The following ZMYM2 variants were observed in gnomAD, a reference collection of about 807,000 sequenced individuals.
The protein encoded by ZMYM2 is zinc finger MYM-type protein 2.
A neutral mutation model predicts 162.8 loss-of-function variants in ZMYM2; 56 were observed. That is an observed-to-expected ratio of 0.34 (90% CI 0.28 to 0.43). ZMYM2 has a LOEUF of 0.43. Among genes scored for constraint, ZMYM2 ranks in the 20% least tolerant of loss-of-function variants. The pLI, the probability that ZMYM2 is intolerant of heterozygous loss-of-function variation, is 1.00. For missense variants in ZMYM2, 1,275 were observed against 1,621.8 expected (o/e 0.79, Z 3.67); for synonymous variants, 510 against 541.6 (o/e 0.94, Z 0.81).
the ZMYM2 span, among the ~76,000 whole-genome samples, chr13:19,946,796 C>T: frequency 3.3e-5 from 5 of 152,136 alleles, no homozygotes; most frequent in African/African-American, 1.2e-4. Flanking sequence ...ATTTTTGTTA[C>T]CACCACAAAG....
rs1315312517 is a variant in ZMYM2, at chr13:20,087,631, G to A, written c.*1617G>A. The stretch of plus-strand genomic sequence containing the variant: ...GGAAAATTTCACAGGTGTCATTATT[G>A]TATATCTAAGCAATAATTATCTGAA... On this transcript the variant is annotated 3_prime_UTR_variant, in exon 25 of 25. Coordinates refer to ENST00000610343, the MANE Select transcript of ZMYM2 (RefSeq NM_197968.4). The A allele has an allele frequency of 5.4e-6, 1 of 184,134 alleles. No individual in the cohort carries two copies. Among genetic ancestry groups the A allele is most frequent in the African/African-American group, 2.4e-5 (1 of 42,538 alleles). 11.4% of individuals were successfully genotyped at this position (184,134 alleles called of 1,614,324 possible).
the ZMYM2 span, among the ~76,000 whole-genome samples, chr13:19,897,986 A>G: frequency 6.6e-6 from 1 of 152,134 alleles, no homozygotes; most frequent in Non-Finnish European, 1.5e-5. Context: ...ACACTATGGA[A>G]CAATCAGACC....
chr13:20,049,774 G>A (rs1158057631), intron 12 of ZMYM2, among the ~76,000 whole-genome samples: 1 of 151,928 alleles, frequency 6.6e-6, no homozygotes, highest in African/African-American at 2.4e-5. Context: ...AGATACAATG[G>A]GTTTGGCTTT....
At chr13:19,987,447 T>G (rs1949250816) in intron 2 of ZMYM2, among the ~76,000 whole-genome samples, 1 of 151,848 alleles carries the variant, frequency 6.6e-6, no homozygotes, top group African/African-American at 2.4e-5. Flanking sequence ...GTATTTTTGG[T>G]AGAGATGGGG....
intron 6 of ZMYM2, among the ~76,000 whole-genome samples, chr13:20,013,644 GGT>G (rs1951377694): frequency 2.6e-5 from 4 of 152,078 alleles, no homozygotes; most frequent in Admixed American, 2.6e-4. Flanking sequence ...ATCATAAAAA[GGT>G]GTTGAATTTT....
At chr13:20,035,442 A>G (rs1953602119) in intron 11 of ZMYM2, among the ~76,000 whole-genome samples, 1 of 152,210 alleles carries the variant, frequency 6.6e-6, no homozygotes. Flanking sequence ...GTAAAGCTAT[A>G]ATGAAAAATG....
intron 11 of ZMYM2, 128 bp from the exon 12 acceptor site, chr13:20,036,609 T>C (rs1295474035): frequency 1.6e-5 from 10 of 625,052 alleles, no homozygotes; most frequent in Non-Finnish European, 2.2e-5. Flanking sequence ...TAGGTTGATA[T>C]TGATTACAGT....
the ZMYM2 span, among the ~76,000 whole-genome samples, chr13:19,884,718 G>A: frequency 3.9e-5 from 6 of 151,976 alleles, no homozygotes; most frequent in Non-Finnish European, 2.9e-5. Context: ...TCCTGGTCCA[G>A]AAAAAAAGAC....
At chr13:20,004,896 A>T (rs1437804880) in intron 4 of ZMYM2, among the ~76,000 whole-genome samples, 178 bp from the exon 5 acceptor site, 1 of 152,228 alleles carries the variant, frequency 6.6e-6, no homozygotes, top group South Asian at 2.1e-4. Context: ...TTTGCTTCTC[A>T]AAAGTCTTTA....
At chr13:19,946,290 C>A in the ZMYM2 span, among the ~76,000 whole-genome samples, 15 of 152,342 alleles carry the variant, frequency 9.8e-5, no homozygotes, top group African/African-American at 3.6e-4. Context: ...AACATCCTGT[C>A]TCCTTAGTGT....
chr13:19,970,355 T>C (rs1190780006), intron 2 of ZMYM2, among the ~76,000 whole-genome samples: 1 of 152,164 alleles, frequency 6.6e-6, no homozygotes, highest in African/African-American at 2.4e-5. Flanking sequence ...CATTAGGGAC[T>C]AAAATCAGGT....
At chr13:19,918,495 CTTTTTTTTTTTT>C in the ZMYM2 span, among the ~76,000 whole-genome samples, 1 of 107,504 alleles carries the variant, frequency 9.3e-6, no homozygotes, top group Non-Finnish European at 1.9e-5. Flanking sequence ...TTCTTTCTTT[CTTTTTTTTTTTT>C]TTTTTTTTTT....
At chr13:20,010,015 T>A (rs1951043468) in intron 6 of ZMYM2, among the ~76,000 whole-genome samples, 1 of 152,224 alleles carries the variant, frequency 6.6e-6, no homozygotes. Context: ...CATTTTATGT[T>A]CTCAGCAGCA....
intron 2 of ZMYM2, among the ~76,000 whole-genome samples, chr13:19,976,420 A>C (rs1247956308): frequency 6.6e-6 from 1 of 151,990 alleles, no homozygotes; most frequent in East Asian, 1.9e-4. Flanking sequence ...TTAAATTGTA[A>C]AAAAACAACA....
At chr13:19,952,026 A>G in the ZMYM2 span, among the ~76,000 whole-genome samples, 1 of 152,188 alleles carries the variant, frequency 6.6e-6, no homozygotes, top group Non-Finnish European at 1.5e-5. Flanking sequence ...AAAATGTGGC[A>G]TATATACACA....
chr13:20,061,007 C>CT (rs1410618153), intron 16 of ZMYM2, 46 bp from the exon 17 acceptor site: 3 of 1,541,900 alleles, frequency 1.9e-6, no homozygotes, highest in Non-Finnish European at 2.6e-6. Flanking sequence ...GGAAAAATAC[C>CT]TTTTAATGTT....
At chr13:19,870,429 C>T in the ZMYM2 span, among the ~76,000 whole-genome samples, 58 of 152,152 alleles carry the variant, frequency 3.8e-4, no homozygotes, top group African/African-American at 1.2e-3. Context: ...TGCACCACTG[C>T]GCCTGACCAT....
chr13:19,992,520 G>A (rs888431643), intron 2 of ZMYM2, among the ~76,000 whole-genome samples: 1 of 152,086 alleles, frequency 6.6e-6, no homozygotes, highest in African/African-American at 2.4e-5. Flanking sequence ...TGGTCACAAC[G>A]CTGCACTCCA....
intron 2 of ZMYM2, among the ~76,000 whole-genome samples, chr13:19,961,159 A>T (rs976859059): frequency 1.3e-4 from 19 of 147,150 alleles, no homozygotes; most frequent in Non-Finnish European, 1.8e-4. Flanking sequence ...TTTAAATTTT[A>T]CTAGTAAGAA....
Sources: allele counts gnomAD v4.1 joint callset (sites outside exome capture counted in the v4.1 genomes callset), GRCh38; gene constraint gnomAD v4.1.1; transcripts MANE v1.5; gene names NCBI Gene and HGNC (gene_info 2026-07-23, HGNC 2026-07-21).